Variants in CNTLN observed in about 807,000 individuals in gnomAD.
The protein encoded by CNTLN is centlein.
CNTLN carries 212 observed loss-of-function variants against 180.0 expected under a neutral mutation model. The ratio of observed to expected loss-of-function variants is 1.18; its 90% CI spans 1.05 to 1.32. The LOEUF (loss-of-function observed/expected upper bound fraction) is 1.32, where lower values mean the gene tolerates loss of function less well. Ranked by LOEUF, CNTLN falls within the 40% of genes most tolerant of loss-of-function variation. The probability of loss-of-function intolerance (pLI) is 0.00; values close to 1 mark genes in which losing one functional copy is unlikely to be tolerated. For synonymous variants in CNTLN, 722 were observed against 563.1 expected (o/e 1.28, Z -3.99); for missense variants, 2,095 against 1,610.9 (o/e 1.30, Z -5.14).
intron 2 of CNTLN, among the ~76,000 whole-genome samples, chr9:17,203,578 A>G (rs981241466): frequency 6.6e-6 from 1 of 151,704 alleles, no homozygotes; most frequent in African/African-American, 2.4e-5. Flanking sequence ...GTTTTTTGAG[A>G]CAGAGTCTCA....
At chr9:17,238,761 C>A (rs1388523947) in intron 5 of CNTLN, among the ~76,000 whole-genome samples, 2 of 152,048 alleles carry the variant, frequency 1.3e-5, no homozygotes, top group African/African-American at 4.8e-5. Context: ...TGAACTTTGC[C>A]ATGGGTAAGG....
chr9:17,368,780 G>A (rs1045155144), intron 13 of CNTLN, among the ~76,000 whole-genome samples: 5 of 152,178 alleles, frequency 3.3e-5, no homozygotes, highest in Non-Finnish European at 7.4e-5. Context: ...AAGAACCCCA[G>A]TCTTACTGGA....
chr9:17,441,198 A>G (rs1416330551), intron 18 of CNTLN, among the ~76,000 whole-genome samples: 1 of 152,240 alleles, frequency 6.6e-6, no homozygotes, highest in Non-Finnish European at 1.5e-5. Flanking sequence ...GACCTTTCTT[A>G]GAAGAAATAC....
At chr9:17,201,214 G>A (rs1822502367) in intron 2 of CNTLN, among the ~76,000 whole-genome samples, 1 of 152,126 alleles carries the variant, frequency 6.6e-6, no homozygotes, top group African/African-American at 2.4e-5. Flanking sequence ...CTTTTTTGAT[G>A]TGCTGCTGTA....
intron 23 of CNTLN, among the ~76,000 whole-genome samples, chr9:17,469,644 T>C (rs1005551066): frequency 3.3e-5 from 5 of 151,904 alleles, no homozygotes; most frequent in Admixed American, 2.0e-4. Flanking sequence ...TGGGTGTTAT[T>C]CTGCTGAAGT....
chr9:17,519,508 A>G, the CNTLN span, among the ~76,000 whole-genome samples: 3 of 152,214 alleles, frequency 2.0e-5, no homozygotes, highest in Admixed American at 6.5e-5. Context: ...ACAAAGGTTC[A>G]CTGCTCTAGA....
At chr9:17,292,828 A>G (rs932359608) in intron 6 of CNTLN, among the ~76,000 whole-genome samples, 1 of 147,174 alleles carries the variant, frequency 6.8e-6, no homozygotes, top group Non-Finnish European at 1.5e-5. Flanking sequence ...ACCTCCGCCC[A>G]GTTCTGTGCT....
intron 18 of CNTLN, among the ~76,000 whole-genome samples, chr9:17,444,529 A>C (rs1233394574): frequency 6.6e-6 from 1 of 152,176 alleles, no homozygotes; most frequent in Admixed American, 6.5e-5. Flanking sequence ...GTGGCACTCA[A>C]AAGTGCCCCA....
chr9:17,313,624 T>C (rs1273875834), intron 8 of CNTLN, among the ~76,000 whole-genome samples: 1 of 152,158 alleles, frequency 6.6e-6, no homozygotes, highest in Non-Finnish European at 1.5e-5. Context: ...GTAATCCATC[T>C]TGTGGTTTGC....
rs955479461 is a variant in CNTLN, at chr9:17,447,593, A to C, written c.3115-9931A>C. ...CATGGGTGCCAACATCCCACCTCAG[A>C]GAATTGCTGAAAAAACTGAATCAAA... On this transcript the variant is annotated intron_variant, in intron 18 of 25. Coordinates refer to ENST00000380647, the MANE Select transcript of CNTLN (RefSeq NM_017738.4). 12 of 153,066 alleles carry C rather than the reference A, an allele frequency of 7.8e-5. No homozygotes were observed. In the Admixed American group the frequency reaches 7.8e-4, roughly 10 times the overall value. 9.5% of individuals were successfully genotyped at this position (153,066 alleles called of 1,614,324 possible).
Position 17,135,195 on chromosome 9 carries a change from G to T in CNTLN, c.130G>T (p.Ala44Ser). Residue 44 changes from alanine to serine, a missense_variant, in exon 1 of 26, where the codon GCA becomes TCA. By Grantham distance (99) the Ala-to-Ser change is moderately conservative (BLOSUM62 1). Transcript: ENST00000380647. ...CAGCGAGGCCTCGGGTTTTGCCGGC[G>T]CAGCGCGGGAGGTGGTCGCGGACGA... Reference protein sequence around the residue: ...MRSEASGFAGAAREVVADESD... With the variant: ...MRSEASGFAGSAREVVADESD... The T allele has an allele frequency of 6.2e-7, 1 of 1,610,742 alleles. No individual in the cohort carries two copies.
At chr9:17,288,822 G>T (rs1260524622) in intron 6 of CNTLN, among the ~76,000 whole-genome samples, 5 of 131,496 alleles carry the variant, frequency 3.8e-5, no homozygotes, top group Non-Finnish European at 7.8e-5. Context: ...AAGAGACTAG[G>T]ATTGCAACCC....
At chr9:17,489,148 C>A (rs7861936) in intron 25 of CNTLN, among the ~76,000 whole-genome samples, 7,292 of 151,668 alleles carry the variant, frequency 0.048, 564 homozygotes, top group African/African-American at 0.16. Context: ...TTTTTTTTAG[C>A]CTACTTTTCT....
chr9:17,360,772 A>G (rs1443871109), intron 12 of CNTLN, among the ~76,000 whole-genome samples: 1 of 152,210 alleles, frequency 6.6e-6, no homozygotes, highest in Non-Finnish European at 1.5e-5. Context: ...TATTGTGGTC[A>G]TAGAAGATGC....
intron 3 of CNTLN, among the ~76,000 whole-genome samples, chr9:17,230,376 G>T (rs1824736068): frequency 6.6e-6 from 1 of 151,952 alleles, no homozygotes; most frequent in African/African-American, 2.4e-5. Flanking sequence ...TAGTCCCATT[G>T]ATGTGGTGGT....
intron 2 of CNTLN, among the ~76,000 whole-genome samples, chr9:17,169,718 GGATTTTTTTCAGATTCTC>G (rs1455002846): frequency 6.6e-6 from 1 of 151,796 alleles, no homozygotes; most frequent in East Asian, 1.9e-4. Context: ...ATTTGTGTAT[GGATTTTTTTCAGATTCTC>G]TATTCTGTTC....
intron 8 of CNTLN, 90 bp downstream of exon 8, chr9:17,309,342 T>A: frequency 7.0e-6 from 7 of 994,328 alleles, no homozygotes; most frequent in African/African-American, 1.6e-5. Context: ...TTTAAATATA[T>A]TTGCATTTAT....
chr9:17,471,958 A>G (rs141273644), intron 23 of CNTLN, among the ~76,000 whole-genome samples: 41 of 152,262 alleles, frequency 2.7e-4, no homozygotes, highest in African/African-American at 9.4e-4. Flanking sequence ...GCTTTGATAT[A>G]TGGGTGGAAG....
At chr9:17,452,158 T>C (rs1328152894) in intron 18 of CNTLN, among the ~76,000 whole-genome samples, 4 of 152,188 alleles carry the variant, frequency 2.6e-5, no homozygotes, top group Non-Finnish European at 4.4e-5. Flanking sequence ...ATTAGGGAAA[T>C]GATTTTCTCA....
Sources: gnomAD v4.1 joint callset for allele counts (sites outside exome capture counted in the v4.1 genomes callset) on GRCh38, gnomAD v4.1.1 for gene constraint, MANE v1.5 for transcripts, NCBI Gene and HGNC (gene_info 2026-07-23, HGNC 2026-07-21) for gene names.